ATG7: variants seen among roughly 807,000 people sequenced by gnomAD.
The protein encoded by ATG7 is autophagy related 7, also known as ubiquitin-like modifier-activating enzyme ATG7.
In ATG7, 70 loss-of-function variants were observed where a neutral mutation model predicts 82.4. The ratio of observed to expected loss-of-function variants is 0.85; its 90% CI spans 0.70 to 1.04. The LOEUF (loss-of-function observed/expected upper bound fraction) is 1.04. ATG7 is among the 50% of genes least tolerant of loss of function. The pLI is 0.00. For missense variants in ATG7, 792 were observed against 864.3 expected (o/e 0.92, Z 1.05); for synonymous variants, 287 against 313.0 (o/e 0.92, Z 0.88).
At chr3:11,443,968 T>C (rs1420987294) in intron 20 of ATG7, among the ~76,000 whole-genome samples, 1 of 152,216 alleles carries the variant, frequency 6.6e-6, no homozygotes, top group Non-Finnish European at 1.5e-5. Context: ...TAGAAGTAAC[T>C]AGTAACTAGA....
chr3:11,429,469 CT>C (rs2082667942), intron 20 of ATG7, among the ~76,000 whole-genome samples: 1 of 152,006 alleles, frequency 6.6e-6, no homozygotes, highest in South Asian at 2.1e-4. Context: ...GCACTCCAGC[CT>C]GGGCGACAGA....
chr3:11,512,041 C>A (rs1435846759), intron 20 of ATG7, among the ~76,000 whole-genome samples: 1 of 152,196 alleles, frequency 6.6e-6, no homozygotes, highest in Non-Finnish European at 1.5e-5. Context: ...GAAAGGGGCT[C>A]CCACAGTGCA....
rs2079875822 is a variant in ATG7 at position 11,401,990 on chromosome 3, G to C, written c.1956+21938G>C. 2.6e-5 allele frequency among the ~76,000 whole-genome samples: 4 copies of C among 152,122 alleles called. No individual in the cohort carries two copies. In the South Asian group the frequency reaches 6.2e-4, roughly 24 times the overall value. On this transcript the variant is annotated intron_variant, in intron 19 of 20. Coordinates refer to ENST00000693202, the MANE Select transcript of ATG7 (RefSeq NM_001349232.2). ...TTGAGGTAAAACTTAAAAACAGTAA[G>C]TACACAGATGTTAAGTGTACAACTT...
intron 14 of ATG7, among the ~76,000 whole-genome samples, chr3:11,350,410 G>A (rs2075447758): frequency 6.6e-6 from 1 of 152,160 alleles, no homozygotes; most frequent in Admixed American, 6.5e-5. Flanking sequence ...TCATGGGTGT[G>A]CAGGTTGGCT....
intron 18 of ATG7, among the ~76,000 whole-genome samples, chr3:11,365,749 G>C (rs2152819741): frequency 6.6e-6 from 1 of 152,278 alleles, no homozygotes; most frequent in South Asian, 2.1e-4. Context: ...CAGAAGAGGG[G>C]AAACGACTTC....
chr3:11,347,341 TG>T (rs1954707198), intron 13 of ATG7, among the ~76,000 whole-genome samples: 1 of 152,244 alleles, frequency 6.6e-6, no homozygotes, highest in South Asian at 2.1e-4. Context: ...AATATAGACT[TG>T]TTCCCTAAAT....
At chr3:11,498,360 G>A (rs561408213) in intron 20 of ATG7, among the ~76,000 whole-genome samples, 1 of 152,134 alleles carries the variant, frequency 6.6e-6, no homozygotes, top group South Asian at 2.1e-4. Context: ...CCCCTGTATG[G>A]CACTGCTGCT....
intron 20 of ATG7, among the ~76,000 whole-genome samples, chr3:11,473,420 C>T (rs1255669214): frequency 6.6e-6 from 1 of 152,114 alleles, no homozygotes; most frequent in Non-Finnish European, 1.5e-5. Flanking sequence ...ATCATTATCC[C>T]CACTTAAAAA....
At chr3:11,544,081 A>G (rs900718279) in intron 20 of ATG7, among the ~76,000 whole-genome samples, 2 of 152,156 alleles carry the variant, frequency 1.3e-5, no homozygotes, top group African/African-American at 4.8e-5. Context: ...ATCTGCCCGC[A>G]CCAGCAGTCT....
intron 19 of ATG7, among the ~76,000 whole-genome samples, chr3:11,419,623 G>A (rs1222445357): frequency 1.3e-5 from 2 of 152,152 alleles, no homozygotes; most frequent in African/African-American, 2.4e-5. Context: ...ATTATATGGT[G>A]TTGTCAGGAG....
At chr3:11,408,699 C>T (rs543304018) in intron 19 of ATG7, among the ~76,000 whole-genome samples, 68 of 152,242 alleles carry the variant, frequency 4.5e-4, no homozygotes, top group African/African-American at 1.5e-3. Flanking sequence ...GGGAACGCCT[C>T]GTTAAAACTG....
chr3:11,279,589 C>T (rs1942618859), intron 1 of ATG7, among the ~76,000 whole-genome samples: 1 of 152,122 alleles, frequency 6.6e-6, no homozygotes, highest in Admixed American at 6.5e-5. Context: ...GAGGCTAAGG[C>T]AGGAGAATCG....
chr3:11,454,543 A>G (rs2085512545), intron 20 of ATG7, among the ~76,000 whole-genome samples: 1 of 152,190 alleles, frequency 6.6e-6, no homozygotes, highest in African/African-American at 2.4e-5. Context: ...GAGCAAGAGG[A>G]TGGTCATGGT....
At chr3:11,423,428 G>A (rs753577309) in intron 19 of ATG7, among the ~76,000 whole-genome samples, 2 of 152,150 alleles carry the variant, frequency 1.3e-5, no homozygotes, top group Non-Finnish European at 2.9e-5. Context: ...TGGAAAAATG[G>A]TATTGATTCC....
intron 20 of ATG7, among the ~76,000 whole-genome samples, chr3:11,483,623 A>G (rs908592953): frequency 3.3e-5 from 5 of 152,228 alleles, no homozygotes; most frequent in Non-Finnish European, 7.4e-5. Flanking sequence ...TTCTTCTGCC[A>G]TATTCAAATC....
intron 20 of ATG7, among the ~76,000 whole-genome samples, chr3:11,472,822 G>C (rs1397089689): frequency 1.3e-5 from 2 of 150,676 alleles, no homozygotes; most frequent in African/African-American, 5.0e-5. Context: ...CTGGAGACTT[G>C]GAATGCCAAA....
At chr3:11,527,053 G>A (rs997057001) in intron 20 of ATG7, among the ~76,000 whole-genome samples, 1 of 101,726 alleles carries the variant, frequency 9.8e-6, no homozygotes, top group Non-Finnish European at 2.0e-5. Flanking sequence ...GTGTGTGTGT[G>A]TGTGTGTGTG....
chr3:11,550,327 T>A (rs2071657870), intron 20 of ATG7, among the ~76,000 whole-genome samples: 1 of 152,186 alleles, frequency 6.6e-6, no homozygotes, highest in Non-Finnish European at 1.5e-5. Flanking sequence ...GGCCATTTGC[T>A]TATTTTTTCT....
At position 11,361,064 on chromosome 3, in the gene ATG7, C is replaced by T. The variant is rs187253417; in HGVS notation, c.1683+280C>T. Among the ~76,000 whole-genome samples the T allele has an allele frequency of 3.7e-4, 57 of 152,180 alleles. No homozygotes were observed. The East Asian group carries it at 8.7e-3, about 23-fold the overall frequency. On this transcript the variant is annotated intron_variant, in intron 16 of 20. Transcript: ENST00000693202. ...AGCAGACTAGTCCCTGATAGCACTC[C>T]GTATTGTCTCCGGTGCTTCTCTTAG...
Sources: allele counts gnomAD v4.1 joint callset (sites outside exome capture counted in the v4.1 genomes callset), GRCh38; gene constraint gnomAD v4.1.1; transcripts MANE v1.5; gene names NCBI Gene and HGNC (gene_info 2026-07-23, HGNC 2026-07-21).